Variants in FBXO28 observed in about 807,000 individuals in gnomAD.
FBXO28 encodes the protein F-box protein 28.
A neutral mutation model predicts 38.1 loss-of-function variants in FBXO28; 8 were observed. The observed-to-expected ratio is 0.21, with a 90% confidence interval of 0.12 to 0.38. The LOEUF (loss-of-function observed/expected upper bound fraction) is 0.38. Ranked by LOEUF, FBXO28 falls within the 10% of genes least tolerant of loss-of-function variation. FBXO28 has a pLI of 1.00. For synonymous variants in FBXO28, 168 were observed against 173.8 expected (o/e 0.97, Z 0.26); for missense variants, 345 against 460.6 (o/e 0.75, Z 2.30).
At chr1:224,142,622 C>T (rs1020122503) in intron 3 of FBXO28, among the ~76,000 whole-genome samples, 17 of 151,932 alleles carry the variant, frequency 1.1e-4, no homozygotes, top group Non-Finnish European at 2.2e-4. Context: ...TCAAGACCAG[C>T]CTGGCCAACA....
intron 3 of FBXO28, among the ~76,000 whole-genome samples, chr1:224,151,932 C>G (rs746858085): frequency 6.6e-6 from 1 of 151,816 alleles, no homozygotes; most frequent in Non-Finnish European, 1.5e-5. Context: ...ATCCCAGCTA[C>G]TTGGGAGGCT....
chr1:224,147,479 G>T (rs1314875542), intron 3 of FBXO28, among the ~76,000 whole-genome samples: 1 of 151,544 alleles, frequency 6.6e-6, no homozygotes, highest in Admixed American at 6.6e-5. Flanking sequence ...TTTAAAATAT[G>T]AATTTTAAAA....
chr1:224,133,868 A>C (rs762980198), intron 2 of FBXO28, among the ~76,000 whole-genome samples: 1 of 151,806 alleles, frequency 6.6e-6, no homozygotes, highest in African/African-American at 2.4e-5. Flanking sequence ...TTTGTTTTCA[A>C]ATATTTTGTC....
rs115981325 is a variant in FBXO28 at position 224,140,533 on chromosome 1, G to A, written c.516+6321G>A. Among the ~76,000 whole-genome samples the A allele has an allele frequency of 3.4e-3, 519 of 152,086 alleles. 1 individual carries two copies. The highest frequency in any genetic ancestry group is 8.9e-3 in the Admixed American group (136 of 15,270). ...CTTTTAAAGTTGATTTTAATGTGGC[G>A]ATACTCTTAAAAATCAAGATTAGTT... On this transcript the variant is annotated intron_variant, in intron 3 of 4. Transcript: ENST00000366862.
At chr1:224,115,928 GA>G (rs1377815979) in intron 1 of FBXO28, among the ~76,000 whole-genome samples, 1 of 152,166 alleles carries the variant, frequency 6.6e-6, no homozygotes, top group Non-Finnish European at 1.5e-5. Flanking sequence ...ATGTAGTGGG[GA>G]GGGGGGAACC....
chr1:224,161,649 C>T lies in FBXO28; in HGVS notation c.*3903C>T, dbSNP rs919519274. 1 of 152,138 alleles carries T rather than the reference C, an allele frequency of 6.6e-6. No individual in the cohort carries two copies. Among genetic ancestry groups the T allele is most frequent in the Non-Finnish European group, 1.5e-5 (1 of 68,028 alleles). The allele number at this position is 152,138 out of a possible 1,614,324, so 9.4% of individuals were successfully genotyped here. On this transcript the variant is annotated 3_prime_UTR_variant, in exon 5 of 5. Coordinates refer to ENST00000366862, the MANE Select transcript of FBXO28 (RefSeq NM_015176.4). ...CCTACCATGATTTTACTTTTAATAG[C>T]AATACAGTTATATTGGTGATAAATA... is the stretch of plus-strand genomic sequence containing the variant.
chr1:224,153,239 C>G lies in FBXO28; in HGVS notation c.614C>G (p.Ser205Cys). Residue 205 changes from serine to cysteine, a missense_variant, in exon 4 of 5, where the codon TCT becomes TGT. By Grantham distance (112) the Ser-to-Cys change is moderately radical. Around this residue, in one of 6 missense-constraint regions of FBXO28, gnomAD observed 7 missense variants for 31.3 expected, o/e 0.22. Transcript: ENST00000366862. Reference protein sequence around the residue: ...EVLQELRDISSMAMEYFDEKI... With the variant: ...EVLQELRDISCMAMEYFDEKI... ...CTTCAAGAATTAAGGGATATATCCT[C>G]TATGGCAATGGAGTACTTTGATGAA... 3 of 1,611,946 alleles carry G rather than the reference C, an allele frequency of 1.9e-6. No homozygotes were observed. The highest frequency in any genetic ancestry group is 1.1e-5 in the South Asian group (1 of 90,202).
intron 4 of FBXO28, among the ~76,000 whole-genome samples, chr1:224,154,364 T>C (rs773605584): frequency 2.0e-5 from 3 of 152,306 alleles, no homozygotes; most frequent in East Asian, 3.9e-4. Context: ...TCCATACCAT[T>C]GTAAAGTCAA....
chr1:224,135,475 A>C (rs1187753088), intron 3 of FBXO28, among the ~76,000 whole-genome samples: 1 of 151,884 alleles, frequency 6.6e-6, no homozygotes, highest in African/African-American at 2.4e-5. Flanking sequence ...GGCCGGCTGT[A>C]GTGGCTCGCA....
rs1164690314 is a variant in FBXO28, at chr1:224,158,490, T to A, written c.*744T>A. On this transcript the variant is annotated 3_prime_UTR_variant, in exon 5 of 5. Coordinates refer to ENST00000366862, the MANE Select transcript of FBXO28 (RefSeq NM_015176.4). ...ATCTTGAACCTCTATACTTCTCCAC[T>A]TTTTAGAGCGGCGTCTTAGTTTATT... 1 of 152,862 alleles carries A rather than the reference T, an allele frequency of 6.5e-6. No individual in the cohort carries two copies. The highest frequency in any genetic ancestry group is 1.5e-5 in the Non-Finnish European group (1 of 68,244). 9.5% of individuals were successfully genotyped at this position (152,862 alleles called of 1,614,324 possible).
Position 224,157,374 on chromosome 1 carries a change from A to G in FBXO28, c.735A>G (p.Leu245=). The G allele has an allele frequency of 6.2e-7, 1 of 1,612,142 alleles. No individual in the cohort carries two copies. Among genetic ancestry groups the G allele is most frequent in the Non-Finnish European group, 8.5e-7 (1 of 1,178,918 alleles). The change falls in exon 5 of 5, where the codon CTA becomes CTG. Residue 245 remains leucine, a synonymous_variant. Coordinates refer to ENST00000366862, the MANE Select transcript of FBXO28 (RefSeq NM_015176.4). The part of the protein sequence containing the change: ...SPPVPGPSAA[L]TTMQLFSKQN... ...CAGTTCCAGGACCGTCTGCAGCCCT[A>G]ACAACAATGCAGCTCTTCTCCAAGC...
intron 3 of FBXO28, among the ~76,000 whole-genome samples, chr1:224,150,216 T>G (rs1657609241): frequency 2.0e-5 from 3 of 152,132 alleles, no homozygotes; most frequent in South Asian, 4.1e-4. Flanking sequence ...CCCAGCTACT[T>G]GGGAGGCTGA....
intron 4 of FBXO28, 52 bp from the exon 5 acceptor site, chr1:224,157,300 C>T (rs1332861801): frequency 1.6e-5 from 24 of 1,525,196 alleles, no homozygotes; most frequent in Non-Finnish European, 2.0e-5. Flanking sequence ...GTAAGTATTA[C>T]TGGTAGAGAG....
chr1:224,155,083 C>A (rs1033527084), intron 4 of FBXO28, among the ~76,000 whole-genome samples: 1 of 152,012 alleles, frequency 6.6e-6, no homozygotes, highest in Admixed American at 6.6e-5. Context: ...AACAAATATA[C>A]CAGATAAAAT....
chr1:224,148,340 G>T (rs1657558973), intron 3 of FBXO28, among the ~76,000 whole-genome samples: 1 of 152,168 alleles, frequency 6.6e-6, no homozygotes, highest in Non-Finnish European at 1.5e-5. Context: ...CATGGAAAAA[G>T]ACTAATTGTA....
intron 1 of FBXO28, among the ~76,000 whole-genome samples, chr1:224,130,059 A>T (rs1214981773): frequency 1.3e-5 from 2 of 151,962 alleles, no homozygotes; most frequent in East Asian, 3.9e-4. Context: ...TACATACAGC[A>T]GGCCAGCTGT....
At chr1:224,129,513 A>G (rs1184941153) in intron 1 of FBXO28, among the ~76,000 whole-genome samples, 1 of 152,176 alleles carries the variant, frequency 6.6e-6, no homozygotes, top group African/African-American at 2.4e-5. Context: ...CTGACTAAAA[A>G]AGAATTTTTT....
intron 1 of FBXO28, among the ~76,000 whole-genome samples, chr1:224,121,006 C>A (rs1428401445): frequency 6.7e-6 from 1 of 149,596 alleles, no homozygotes; most frequent in African/African-American, 2.5e-5. Flanking sequence ...TTTTTTTTTA[C>A]ATTTTTCATT....
At chr1:224,133,082 A>G (rs1657092762) in intron 2 of FBXO28, among the ~76,000 whole-genome samples, 1 of 152,206 alleles carries the variant, frequency 6.6e-6, no homozygotes, top group African/African-American at 2.4e-5. Flanking sequence ...TACAACAAGA[A>G]TGAACCTGGA....
Sources: gnomAD v4.1 joint callset for allele counts (sites outside exome capture counted in the v4.1 genomes callset) on GRCh38, gnomAD v4.1.1 for gene constraint, gnomAD v4.1.1 regional missense constraint, MANE v1.5 for transcripts, NCBI Gene and HGNC (gene_info 2026-07-23, HGNC 2026-07-21) for gene names.